OPCML: variants seen among roughly 807,000 people sequenced by gnomAD.
The protein encoded by OPCML is opioid binding protein/cell adhesion molecule like.
Under a neutral mutation model 37.8 loss-of-function variants are expected in OPCML, and 13 were observed. The observed-to-expected ratio is 0.34, with a 90% confidence interval of 0.22 to 0.55. The LOEUF (loss-of-function observed/expected upper bound fraction) is 0.55. Among genes scored for constraint, OPCML ranks in the 20% least tolerant of loss-of-function variants. The pLI, the probability that OPCML is intolerant of heterozygous loss-of-function variation, is 0.91. For missense variants in OPCML, 341 were observed against 435.6 expected (o/e 0.78, Z 1.93); for synonymous variants, 176 against 168.8 (o/e 1.04, Z -0.33).
chr11:132,864,587 C>T (rs1217343737), intron 2 of OPCML, among the ~76,000 whole-genome samples: 1 of 152,188 alleles, frequency 6.6e-6, no homozygotes, highest in Non-Finnish European at 1.5e-5. Context: ...ATTTCTCTGC[C>T]ATTGGTCATC....
chr11:133,027,804 G>GTATT (rs1565405440), intron 1 of OPCML, among the ~76,000 whole-genome samples: 11 of 150,234 alleles, frequency 7.3e-5, no homozygotes, highest in Admixed American at 3.3e-4. Flanking sequence ...GTGTGTGTGT[G>GTATT]GTGTCTGTGG....
intron 2 of OPCML, among the ~76,000 whole-genome samples, chr11:132,746,098 T>G (rs77367819): frequency 1.4e-5 from 2 of 146,198 alleles, no homozygotes; most frequent in African/African-American, 2.5e-5. Context: ...AAGTTGTTGT[T>G]TTTTTTTTTT....
Position 133,113,940 on chromosome 11 carries a change from C to T in OPCML, c.62-170930G>A, listed in dbSNP as rs115473689. On this transcript the variant is annotated intron_variant, in intron 1 of 7. Coordinates refer to ENST00000524381, the MANE Select transcript of OPCML (RefSeq NM_001012393.5). ...GAAAAGCAGTGCAAGCTTTTTAGAC[C>T]ACCTTGTTGATATTTATGAAAACTT... is the stretch of plus-strand genomic sequence containing the variant. Among the ~76,000 whole-genome samples the T allele has an allele frequency of 2.6e-3, 389 of 152,246 alleles. 1 individual carries two copies. The highest frequency in any genetic ancestry group is 9.1e-3 in the African/African-American group (376 of 41,516).
chr11:132,830,308 C>G (rs980262106), intron 2 of OPCML, among the ~76,000 whole-genome samples: 1 of 152,154 alleles, frequency 6.6e-6, no homozygotes, highest in African/African-American at 2.4e-5. Flanking sequence ...ATGGTAAGTA[C>G]GTGATTCATA....
chr11:132,529,048 G>A lies in OPCML; in HGVS notation c.505+13C>T. On this transcript the variant is annotated intron_variant, in intron 4 of 7. Transcript: ENST00000524381. ...TACTACCTCTGAAAACGTCCTCCAG[G>A]TCAGCACCTTACCCTTGACTGACAG... The A allele has an allele frequency of 1.3e-6, 2 of 1,581,426 alleles. No homozygotes were observed. Among genetic ancestry groups the A allele is most frequent in the Non-Finnish European group, 1.7e-6 (2 of 1,151,766 alleles).
intron 3 of OPCML, among the ~76,000 whole-genome samples, chr11:132,554,502 C>T (rs11223111): frequency 2.0e-5 from 3 of 152,178 alleles, no homozygotes; most frequent in Non-Finnish European, 2.9e-5. Context: ...ACTTGTAAAT[C>T]TTCCCTTTGT....
intron 3 of OPCML, among the ~76,000 whole-genome samples, chr11:132,611,529 T>G (rs1176794610): frequency 1.3e-5 from 2 of 152,222 alleles, no homozygotes; most frequent in Non-Finnish European, 2.9e-5. Flanking sequence ...TCTCCTCAGA[T>G]AGCCTTTAAG....
At chr11:133,151,112 A>T (rs145605004) in intron 1 of OPCML, among the ~76,000 whole-genome samples, 2,187 of 151,958 alleles carry the variant, frequency 0.014, 51 homozygotes, top group African/African-American at 0.05. Flanking sequence ...GTCTCTGCTA[A>T]AAATACAAAA....
chr11:132,730,364 CACA>C (rs1945035865), intron 2 of OPCML, among the ~76,000 whole-genome samples: 1 of 152,058 alleles, frequency 6.6e-6, no homozygotes, highest in Admixed American at 6.5e-5. Flanking sequence ...AAAATAAAGA[CACA>C]ACAAGTAATC....
chr11:132,741,286 AC>A (rs2136038887), intron 2 of OPCML, among the ~76,000 whole-genome samples: 1 of 152,294 alleles, frequency 6.6e-6, no homozygotes, highest in South Asian at 2.1e-4. Flanking sequence ...TCTGAAACAA[AC>A]TAAACAGGCT....
chr11:133,342,621 A>G (rs986997464), intron 1 of OPCML, among the ~76,000 whole-genome samples: 4 of 152,116 alleles, frequency 2.6e-5, no homozygotes, highest in Non-Finnish European at 4.4e-5. Context: ...GTGACTAGTG[A>G]AGCGTGTGAA....
intron 2 of OPCML, among the ~76,000 whole-genome samples, chr11:132,920,916 T>C (rs1944770667): frequency 6.6e-6 from 1 of 152,164 alleles, no homozygotes; most frequent in African/African-American, 2.4e-5. Flanking sequence ...ACCTTGTCCC[T>C]CCTGTCTTCC....
intron 1 of OPCML, chr11:133,298,984 C>A (rs867421170): frequency 2.7e-5 from 4 of 150,836 alleles, no homozygotes; most frequent in African/African-American, 9.8e-5. Context: ...AGACCCAGAT[C>A]AGCAGGAAAA....
At chr11:132,456,107 C>T (rs900586081) in intron 4 of OPCML, among the ~76,000 whole-genome samples, 2 of 152,138 alleles carry the variant, frequency 1.3e-5, no homozygotes, top group African/African-American at 4.8e-5. Context: ...TCTCTCCCAC[C>T]GTCTCTCCTC....
intron 2 of OPCML, among the ~76,000 whole-genome samples, chr11:132,800,943 A>G (rs1254230803): frequency 1.3e-5 from 2 of 152,168 alleles, no homozygotes; most frequent in Admixed American, 1.3e-4. Context: ...CTGATCTTCC[A>G]TTTTATAAAA....
chr11:132,886,899 G>C (rs143530947), intron 2 of OPCML, among the ~76,000 whole-genome samples: 6 of 152,106 alleles, frequency 3.9e-5, no homozygotes, highest in Admixed American at 3.9e-4. Context: ...TGCCCCGCTC[G>C]CAGAATGCCA....
chr11:133,463,047 G>A (rs994669231), intron 1 of OPCML, among the ~76,000 whole-genome samples: 4 of 145,028 alleles, frequency 2.8e-5, no homozygotes, highest in East Asian at 2.1e-4. Flanking sequence ...TGGATAAAAC[G>A]TTAAGGCGCT....
intron 1 of OPCML, among the ~76,000 whole-genome samples, chr11:133,078,920 G>A (rs1053230514): frequency 6.6e-6 from 1 of 152,056 alleles, no homozygotes; most frequent in African/African-American, 2.4e-5. Context: ...CACCTACTAG[G>A]GGTTATAAAC....
intron 1 of OPCML, among the ~76,000 whole-genome samples, chr11:133,440,814 G>GTATA (rs71477798): frequency 7.2e-6 from 1 of 138,292 alleles, no homozygotes; most frequent in Non-Finnish European, 1.5e-5. Flanking sequence ...GTGTGTATGT[G>GTATA]TATATATATA....
Sources: gnomAD v4.1 joint callset for allele counts (sites outside exome capture counted in the v4.1 genomes callset) on GRCh38, gnomAD v4.1.1 for gene constraint, MANE v1.5 for transcripts, NCBI Gene and HGNC (gene_info 2026-07-23, HGNC 2026-07-21) for gene names.